PTPRD: variants seen among roughly 807,000 people sequenced by gnomAD.
PTPRD encodes protein tyrosine phosphatase receptor type D.
A neutral mutation model predicts 214.5 loss-of-function variants in PTPRD; 34 were observed. The observed-to-expected ratio is 0.16, with a 90% CI of 0.12 to 0.21. The LOEUF is 0.21. Ranked by LOEUF, PTPRD falls within the 10% of genes least tolerant of loss-of-function variation. The probability of loss-of-function intolerance (pLI) is 1.00; values close to 1 mark genes in which losing one functional copy is unlikely to be tolerated. For synonymous variants in PTPRD, 1,128 were observed against 845.7 expected, an observed-to-expected ratio of 1.33 and a Z score of -5.79; for missense variants, 2,545 against 2,398.7, an observed-to-expected ratio of 1.06 and a Z score of -1.27.
intron 11 of PTPRD, among the ~76,000 whole-genome samples, chr9:8,976,125 A>G (rs1372117519): frequency 6.6e-6 from 1 of 151,966 alleles, no homozygotes; most frequent in Non-Finnish European, 1.5e-5. Flanking sequence ...GAATGTCATT[A>G]TATCTCACTT....
intron 11 of PTPRD, among the ~76,000 whole-genome samples, chr9:9,003,578 T>C (rs2099434141): frequency 6.6e-6 from 1 of 152,042 alleles, no homozygotes; most frequent in Admixed American, 6.6e-5. Context: ...TGTCCTAATT[T>C]AATGCCAGTT....
At chr9:8,643,144 C>T (rs1370678064) in intron 12 of PTPRD, among the ~76,000 whole-genome samples, 1 of 152,118 alleles carries the variant, frequency 6.6e-6, no homozygotes, top group Non-Finnish European at 1.5e-5. Flanking sequence ...GCTCCCAAAA[C>T]CACCTGTTAG....
chr9:9,272,779 C>T lies in PTPRD; in HGVS notation c.-202-89416G>A, dbSNP rs188796322. 4.1e-3 allele frequency among the ~76,000 whole-genome samples: 626 copies of T among 151,220 alleles called. 2 individuals are homozygous for T. The highest frequency in any genetic ancestry group is 0.014 in the African/African-American group (599 of 41,368). ...ACCTGCCACTTTCATGTCCTAAAAC[C>T]AGGTGTTCAAAAGCAAGCACTATGG... On this transcript the variant is annotated intron_variant, in intron 9 of 45. Transcript: ENST00000381196.
At chr9:9,272,622 T>G (rs888653217) in intron 9 of PTPRD, among the ~76,000 whole-genome samples, 8 of 151,320 alleles carry the variant, frequency 5.3e-5, no homozygotes, top group Non-Finnish European at 7.4e-5. Context: ...TATTTGCATG[T>G]ATTTGAGCCT....
intron 3 of PTPRD, among the ~76,000 whole-genome samples, chr9:10,163,143 G>A: frequency 6.8e-6 from 1 of 146,132 alleles, no homozygotes; most frequent in Non-Finnish European, 1.5e-5. Flanking sequence ...TCTACTGAGT[G>A]TCATTGTTTT....
At chr9:8,730,148 C>G (rs565836942) in intron 12 of PTPRD, among the ~76,000 whole-genome samples, 1 of 152,176 alleles carries the variant, frequency 6.6e-6, no homozygotes, top group South Asian at 2.1e-4. Flanking sequence ...CCCAGCTACT[C>G]CGGAGGCTGA....
At chr9:10,383,474 T>G (rs945783276) in intron 2 of PTPRD, among the ~76,000 whole-genome samples, 1 of 151,870 alleles carries the variant, frequency 6.6e-6, no homozygotes, top group African/African-American at 2.4e-5. Context: ...GGAACTAATG[T>G]GGTTGATAAG....
At chr9:9,137,577 C>T (rs1321950328) in intron 10 of PTPRD, among the ~76,000 whole-genome samples, 2 of 152,046 alleles carry the variant, frequency 1.3e-5, no homozygotes, top group African/African-American at 4.8e-5. Context: ...CATATTGAAA[C>T]CATGGATGAA....
intron 11 of PTPRD, among the ~76,000 whole-genome samples, chr9:8,736,928 G>A (rs908569882): frequency 2.6e-5 from 4 of 152,080 alleles, no homozygotes; most frequent in African/African-American, 4.8e-5. Flanking sequence ...CCCTCCTCCC[G>A]CTTTCACTGC....
intron 7 of PTPRD, among the ~76,000 whole-genome samples, chr9:9,596,184 G>T (rs1490014145): frequency 2.6e-5 from 4 of 151,798 alleles, no homozygotes; most frequent in Admixed American, 1.3e-4. Context: ...ATTGTATTTA[G>T]TCCCATGTGT....
rs115127644 is a variant in PTPRD, at chr9:9,256,974, C to T, written c.-202-73611G>A. On this transcript the variant is annotated intron_variant, in intron 9 of 45. Coordinates refer to ENST00000381196, the MANE Select transcript of PTPRD (RefSeq NM_002839.4). ...AAAAGCCTTTATTCTTGCTCATGCC[C>T]CACTTCTCTAAGACAGCTCAATTAA... is the stretch of plus-strand genomic sequence containing the variant. Among the ~76,000 whole-genome samples, 1,086 of 152,114 alleles carry T rather than the reference C, an allele frequency of 7.1e-3. 11 individuals are homozygous for T. The highest frequency in any genetic ancestry group is 0.024 in the African/African-American group (1,006 of 41,538).
At chr9:9,698,496 C>T (rs148523238) in intron 7 of PTPRD, among the ~76,000 whole-genome samples, 1 of 152,094 alleles carries the variant, frequency 6.6e-6, no homozygotes, top group Non-Finnish European at 1.5e-5. Context: ...CCCAGGAAAC[C>T]CATGGGACAT....
intron 2 of PTPRD, among the ~76,000 whole-genome samples, chr9:10,415,573 AAAGAT>A (rs2098479511): frequency 1.3e-5 from 2 of 151,916 alleles, no homozygotes; most frequent in Non-Finnish European, 2.9e-5. Context: ...TGCTGTCCTT[AAAGAT>A]AAGAAAACAC....
intron 9 of PTPRD, among the ~76,000 whole-genome samples, chr9:9,373,639 C>T (rs1306627794): frequency 6.6e-6 from 1 of 152,062 alleles, no homozygotes; most frequent in Non-Finnish European, 1.5e-5. Flanking sequence ...AGCACATTGC[C>T]TTCTGCTCTT....
intron 37 of PTPRD, 56 bp downstream of exon 37, chr9:8,389,176 C>CA: frequency 1.4e-6 from 2 of 1,466,402 alleles, no homozygotes; most frequent in Non-Finnish European, 1.9e-6. Flanking sequence ...AAATATGCAA[C>CA]ATAGGGACTC....
At chr9:9,850,381 C>G (rs1278211082) in intron 5 of PTPRD, among the ~76,000 whole-genome samples, 1 of 152,004 alleles carries the variant, frequency 6.6e-6, no homozygotes, top group Admixed American at 6.6e-5. Flanking sequence ...AGTAGTATTG[C>G]TATTGTCCTG....
chr9:9,053,391 A>ATGATGAT (rs2099690139), intron 10 of PTPRD, among the ~76,000 whole-genome samples: 1 of 152,064 alleles, frequency 6.6e-6, no homozygotes, highest in African/African-American at 2.4e-5. Flanking sequence ...GCCAATGATG[A>ATGATGAT]TGATGATGAT....
chr9:9,808,582 T>C (rs2046160177), intron 5 of PTPRD, among the ~76,000 whole-genome samples: 1 of 152,146 alleles, frequency 6.6e-6, no homozygotes, highest in Non-Finnish European at 1.5e-5. Flanking sequence ...CATCGTTGTT[T>C]ACAGTGCAGT....
chr9:10,517,916 G>T (rs777092526), intron 2 of PTPRD, among the ~76,000 whole-genome samples: 1 of 152,134 alleles, frequency 6.6e-6, no homozygotes, highest in Non-Finnish European at 1.5e-5. Context: ...TATGCTGAAA[G>T]ATCCACTGGT....
Sources: allele counts gnomAD v4.1 joint callset (sites outside exome capture counted in the v4.1 genomes callset), GRCh38; gene constraint gnomAD v4.1.1; transcripts MANE v1.5; gene names NCBI Gene and HGNC (gene_info 2026-07-23, HGNC 2026-07-21).